The following USP42 variants were observed in gnomAD, a reference collection of about 807,000 sequenced individuals.
USP42 encodes the protein ubiquitin carboxyl-terminal hydrolase 42.
Under a neutral mutation model 113.0 loss-of-function variants are expected in USP42, and 23 were observed. The ratio of observed to expected loss-of-function variants is 0.20; its 90% CI spans 0.15 to 0.29. USP42 has a LOEUF of 0.29. Ranked by LOEUF, USP42 falls within the 10% of genes least tolerant of loss-of-function variation. The pLI is 1.00. For missense variants in USP42, 2,174 were observed against 1,779.8 expected (o/e 1.22, Z -3.99); for synonymous variants, 933 against 699.0 (o/e 1.33, Z -5.28).
chr7:6,139,066 G>C lies in USP42; in HGVS notation c.554-26G>C. 1 of 1,520,834 alleles carries C rather than the reference G, an allele frequency of 6.6e-7. No individual in the cohort carries two copies. Among genetic ancestry groups the C allele is most frequent in the African/African-American group, 1.4e-5 (1 of 73,020 alleles). The allele number at this position is 1,520,834 out of a possible 1,614,324, so 94.2% of individuals were successfully genotyped here. ...TAGGCTTATTACGTGTAATGATAAAGCCTTGTCTTTACCGAAATTTTACAG... is the reference window on the plus strand; with the variant it reads ...TAGGCTTATTACGTGTAATGATAAACCCTTGTCTTTACCGAAATTTTACAG... On this transcript the variant is annotated intron_variant, in intron 4 of 17. Transcript: ENST00000306177. The surrounding 1 kb of genome is among the most constrained non-coding windows in gnomAD (Gnocchi z 4.5).
At chr7:6,092,152 T>TTCC in the USP42 span, among the ~76,000 whole-genome samples, 521 of 143,000 alleles carry the variant, frequency 3.6e-3, 20 homozygotes, top group African/African-American at 0.014. Context: ...CCTCTTCCTC[T>TTCC]TCTTCTTCTT....
At chr7:6,111,005 A>G in intron 1 of USP42, 120 bp from the exon 2 acceptor site, 1 of 970,958 alleles carries the variant, frequency 1.0e-6, no homozygotes, top group Non-Finnish European at 1.5e-6. Context: ...TTTATATTTG[A>G]GTGATGTGTT....
intron 3 of USP42, among the ~76,000 whole-genome samples, chr7:6,135,357 A>G (rs1186920191): frequency 6.6e-6 from 1 of 152,098 alleles, no homozygotes; most frequent in Non-Finnish European, 1.5e-5. Flanking sequence ...TTTGTTAGAA[A>G]AGTAAATGAG....
chr7:6,108,209 CAA>C (rs1395473947), intron 1 of USP42, among the ~76,000 whole-genome samples: 1 of 151,892 alleles, frequency 6.6e-6, no homozygotes, highest in Non-Finnish European at 1.5e-5. Flanking sequence ...AACAAACAAA[CAA>C]AAAAATTACA....
At position 6,149,919 on chromosome 7, in the gene USP42, T is replaced by A. The variant is rs748460743; in HGVS notation, c.1723T>A (p.Ser575Thr). ...STSNASTMSV[S>T]SKVTKPIPRS... is the part of the protein sequence containing the mutation. ...CTCGAACGCATCTACGATGTCAGTT[T>A]CTAGTAAAGTAACAAAACCGATCCC... The change falls in exon 13 of 18, where the codon TCT becomes ACT. Residue 575 changes from serine (S) to threonine (T), a missense_variant. Coordinates refer to ENST00000306177, the MANE Select transcript of USP42 (RefSeq NM_032172.3). 2 of 1,614,012 alleles carry A rather than the reference T, an allele frequency of 1.2e-6. No homozygotes were observed. The highest frequency in any genetic ancestry group is 1.7e-5 in the Admixed American group (1 of 60,018).
chr7:6,083,271 T>TTTA, the USP42 span, among the ~76,000 whole-genome samples: 1 of 127,416 alleles, frequency 7.8e-6, no homozygotes, highest in Non-Finnish European at 1.6e-5. Context: ...TATTTATTTA[T>TTTA]TTTAGATACA....
rs1023620421 is a variant in USP42 at position 6,154,548 on chromosome 7, C to T, written c.2994C>T (p.His998=). 2 of 1,547,216 alleles carry T rather than the reference C, an allele frequency of 1.3e-6. No homozygotes were observed. The highest frequency in any genetic ancestry group is 1.7e-6 in the Non-Finnish European group (2 of 1,147,494). ...GCCAGGACCGCCACGCCCCGGAGCA[C>T]CACCCCGGCCACGGCGACAGGCTCA... ...RDRQDRHAPE[H]HPGHGDRLSP... The change falls in exon 15 of 18, where the codon CAC becomes CAT. Residue 998 remains histidine (H), a synonymous_variant. Transcript: ENST00000306177.
intron 1 of USP42, among the ~76,000 whole-genome samples, chr7:6,106,679 C>T (rs1441557104): frequency 6.6e-6 from 1 of 152,148 alleles, no homozygotes; most frequent in Admixed American, 6.6e-5. Context: ...GTCCTCCCAC[C>T]TCAGCCTCCT....
intron 1 of USP42, among the ~76,000 whole-genome samples, chr7:6,108,129 G>A (rs916496534): frequency 2.6e-5 from 4 of 152,198 alleles, no homozygotes; most frequent in Non-Finnish European, 5.9e-5. Context: ...GAAGGTTGCA[G>A]TGAGCTGTGA....
chr7:6,145,148 A>G (rs549803521), intron 9 of USP42, among the ~76,000 whole-genome samples: 76 of 151,848 alleles, frequency 5.0e-4, no homozygotes, highest in African/African-American at 1.7e-3. Context: ...CCTAGCCAAG[A>G]TGGTGAAACC....
chr7:6,123,873 G>A (rs1262770256), intron 3 of USP42, among the ~76,000 whole-genome samples: 2 of 140,854 alleles, frequency 1.4e-5, no homozygotes, highest in African/African-American at 2.6e-5. Context: ...TTTCTTTTTC[G>A]TATCGTTTCT....
chr7:6,118,605 C>A (rs139789747), intron 3 of USP42, among the ~76,000 whole-genome samples: 98 of 150,838 alleles, frequency 6.5e-4, no homozygotes, highest in African/African-American at 2.2e-3. Flanking sequence ...TTCTAGAAGT[C>A]TTAAAGTTTT....
At chr7:6,091,891 C>T in the USP42 span, among the ~76,000 whole-genome samples, 45 of 150,846 alleles carry the variant, frequency 3.0e-4, 2 homozygotes, top group African/African-American at 1.1e-3. Context: ...TCTCAATCGG[C>T]ATTTCTTCCT....
chr7:6,157,525 G>A lies in USP42; in HGVS notation c.3943+470G>A, dbSNP rs978339025. On this transcript the variant is annotated intron_variant, in intron 16 of 17. Coordinates refer to ENST00000306177, the MANE Select transcript of USP42 (RefSeq NM_032172.3). The surrounding 1 kb of genome is among the most constrained non-coding windows in gnomAD (Gnocchi z 4.1). Reference sequence around the variant, plus strand: ...CTGTTCTCCTGCCTCAGCCTCCTGAGTAGCCGGGACTACAGGCGCCCGCCA... The same window carrying A: ...CTGTTCTCCTGCCTCAGCCTCCTGAATAGCCGGGACTACAGGCGCCCGCCA... 5 of 456,552 alleles carry A rather than the reference G, an allele frequency of 1.1e-5. No homozygotes were observed. The allele number at this position is 456,552 out of a possible 1,614,324, so 28.3% of individuals were successfully genotyped here. A position where few individuals can be genotyped will look rare whatever the true frequency, so the allele number is the denominator to read the frequency against.
rs1332070802 is a variant in USP42, at chr7:6,141,002, G to C, written c.795+18G>C. 1 of 1,266,168 alleles carries C rather than the reference G, an allele frequency of 7.9e-7. No homozygotes were observed. Among genetic ancestry groups the C allele is most frequent in the Non-Finnish European group, 1.1e-6 (1 of 895,014 alleles). 78.4% of individuals were successfully genotyped at this position (1,266,168 alleles called of 1,614,324 possible). A position where few individuals can be genotyped will look rare whatever the true frequency, so the allele number is the denominator to read the frequency against. ...AGATAAAGGTAAATTTCATAATTAT[G>C]GGAGTAATTACATTTTTAAAATAAG... On this transcript the variant is annotated intron_variant, in intron 7 of 17. Transcript: ENST00000306177.
chr7:6,082,830 C>G, the USP42 span, among the ~76,000 whole-genome samples: 2 of 149,524 alleles, frequency 1.3e-5, no homozygotes, highest in Non-Finnish European at 2.9e-5. Flanking sequence ...AGGCTGGTTG[C>G]GAACTCCTGA....
chr7:6,117,040 A>T, intron 3 of USP42: 1 of 344,240 alleles, frequency 2.9e-6, no homozygotes, highest in Non-Finnish European at 5.6e-6. Context: ...TTACTGAAGT[A>T]TAATTGATAT....
At chr7:6,089,835 C>T in the USP42 span, among the ~76,000 whole-genome samples, 3 of 150,936 alleles carry the variant, frequency 2.0e-5, no homozygotes, top group South Asian at 6.2e-4. Context: ...CCAGCCTCTT[C>T]ACCTGACTTT....
intron 3 of USP42, among the ~76,000 whole-genome samples, chr7:6,126,268 G>A (rs999698407): frequency 1.3e-5 from 2 of 151,422 alleles, no homozygotes; most frequent in Non-Finnish European, 2.9e-5. Flanking sequence ...GTATTTCATG[G>A]TATGGATACG....
Sources: gnomAD v4.1 joint callset for allele counts (sites outside exome capture counted in the v4.1 genomes callset) on GRCh38, gnomAD v4.1.1 for gene constraint, Gnocchi (gnomAD v3.1) non-coding constraint, MANE v1.5 for transcripts, NCBI Gene and HGNC (gene_info 2026-07-23, HGNC 2026-07-21) for gene names.